Variants in PCSK5 observed in about 807,000 individuals in gnomAD.
PCSK5 encodes the protein proprotein convertase subtilisin/kexin type 5.
Under a neutral mutation model 233.2 loss-of-function variants are expected in PCSK5, and 129 were observed. That is an observed-to-expected ratio of 0.55 (90% CI 0.48 to 0.64). PCSK5 has a LOEUF of 0.64. Among genes scored for constraint, PCSK5 ranks in the 30% least tolerant of loss-of-function variants. PCSK5 has a pLI of 0.00. For missense variants in PCSK5, 2,076 were observed against 2,430.1 expected (o/e 0.85, Z 3.06); for synonymous variants, 825 against 879.2 (o/e 0.94, Z 1.09).
At chr9:76,300,378 G>C (rs918761214) in intron 27 of PCSK5, among the ~76,000 whole-genome samples, 1 of 152,178 alleles carries the variant, frequency 6.6e-6, no homozygotes, top group Non-Finnish European at 1.5e-5. Context: ...ATGGCACTGG[G>C]TAAGTAATTA....
chr9:76,154,119 G>C (rs969744857), intron 10 of PCSK5, among the ~76,000 whole-genome samples: 2 of 152,234 alleles, frequency 1.3e-5, no homozygotes, highest in Middle Eastern at 6.8e-3. Flanking sequence ...TATTGACTTA[G>C]TGACCTTCAT....
chr9:76,140,288 A>G (rs1015599528), intron 10 of PCSK5, among the ~76,000 whole-genome samples: 1 of 152,124 alleles, frequency 6.6e-6, no homozygotes, highest in African/African-American at 2.4e-5. Flanking sequence ...CCAAAATCTT[A>G]AGAGCCTTTA....
intron 24 of PCSK5, among the ~76,000 whole-genome samples, chr9:76,249,658 C>G (rs1826738534): frequency 6.6e-6 from 1 of 152,078 alleles, no homozygotes; most frequent in African/African-American, 2.4e-5. Flanking sequence ...AGGAAATAAA[C>G]AGGATGAGCC....
chr9:76,156,973 G>T, intron 10 of PCSK5, 72 bp from the exon 11 acceptor site: 1 of 989,122 alleles, frequency 1.0e-6, no homozygotes, highest in African/African-American at 1.6e-5. Flanking sequence ...GGTGTCTGGG[G>T]TCTCTACTGA....
At chr9:75,904,356 C>T (rs545050997) in intron 1 of PCSK5, among the ~76,000 whole-genome samples, 16 of 151,894 alleles carry the variant, frequency 1.1e-4, no homozygotes, top group Non-Finnish European at 2.2e-4. Context: ...AAAGGACAAC[C>T]CACAGAATGG....
intron 20 of PCSK5, among the ~76,000 whole-genome samples, chr9:76,224,709 A>G (rs965470403): frequency 4.6e-5 from 7 of 152,228 alleles, no homozygotes; most frequent in African/African-American, 1.7e-4. Flanking sequence ...AAGGCAGCAC[A>G]TTGTGAGTGC....
At chr9:75,959,939 C>T (rs1459344936) in intron 2 of PCSK5, among the ~76,000 whole-genome samples, 1 of 152,164 alleles carries the variant, frequency 6.6e-6, no homozygotes, top group East Asian at 1.9e-4. Context: ...TTGCAAAGCC[C>T]TCTGAGGTAG....
chr9:76,090,580 C>A (rs1439683616), intron 7 of PCSK5, among the ~76,000 whole-genome samples: 1 of 152,140 alleles, frequency 6.6e-6, no homozygotes, highest in Admixed American at 6.5e-5. Flanking sequence ...AATCCAATGA[C>A]GGGCAGGCCA....
chr9:76,080,333 C>T (rs1292562864), intron 7 of PCSK5, among the ~76,000 whole-genome samples: 2 of 152,182 alleles, frequency 1.3e-5, no homozygotes, highest in Admixed American at 6.5e-5. Flanking sequence ...ACACGCACTC[C>T]AGCCCTTCAG....
intron 12 of PCSK5, among the ~76,000 whole-genome samples, chr9:76,160,409 C>G (rs1263708702): frequency 6.6e-6 from 1 of 152,156 alleles, no homozygotes; most frequent in Non-Finnish European, 1.5e-5. Context: ...AATGACAAAC[C>G]ACAGCCCAAA....
At chr9:76,053,547 A>G (rs749174423) in intron 5 of PCSK5, among the ~76,000 whole-genome samples, 1 of 152,090 alleles carries the variant, frequency 6.6e-6, no homozygotes, top group Non-Finnish European at 1.5e-5. Context: ...GATACCGTAA[A>G]TCATCTCTCT....
chr9:76,298,758 G>T (rs1042877801), intron 27 of PCSK5, among the ~76,000 whole-genome samples: 5 of 152,176 alleles, frequency 3.3e-5, no homozygotes, highest in Non-Finnish European at 7.4e-5. Context: ...GTCATCCTGG[G>T]TCAATTCAGA....
chr9:76,334,856 T>C (rs781305404), intron 34 of PCSK5, among the ~76,000 whole-genome samples: 1 of 152,042 alleles, frequency 6.6e-6, no homozygotes, highest in Non-Finnish European at 1.5e-5. Context: ...GGCGGGCAGA[T>C]CACTTGAGGC....
chr9:76,076,132 A>T (rs1003726678), intron 7 of PCSK5, among the ~76,000 whole-genome samples: 4 of 152,214 alleles, frequency 2.6e-5, no homozygotes, highest in Non-Finnish European at 5.9e-5. Flanking sequence ...ATGAAGAACT[A>T]TTATATGCAG....
At chr9:76,279,357 A>C (rs371524158) in intron 24 of PCSK5, among the ~76,000 whole-genome samples, 1 of 148,930 alleles carries the variant, frequency 6.7e-6, no homozygotes, top group African/African-American at 2.6e-5. Flanking sequence ...ATTGTGAATA[A>C]TGCCGCAATA....
intron 32 of PCSK5, among the ~76,000 whole-genome samples, chr9:76,324,003 A>G (rs1188943028): frequency 6.9e-6 from 1 of 145,670 alleles, no homozygotes; most frequent in Non-Finnish European, 1.5e-5. Context: ...TTGGCTTACT[A>G]TAACCTCTGC....
At chr9:75,952,500 G>A (rs1824906285) in intron 2 of PCSK5, among the ~76,000 whole-genome samples, 1 of 151,774 alleles carries the variant, frequency 6.6e-6, no homozygotes, top group Admixed American at 6.6e-5. Flanking sequence ...CCTGTTTATT[G>A]GACAGTTCTG....
chr9:76,339,765 G>A lies in PCSK5; in HGVS notation c.4966+1318G>A, dbSNP rs192089418. Reference sequence around the variant, plus strand: ...TCACCATATTGATCAGGCTGGTCTCGAACTCCTGACCTCATGATCCGCCCG... The same window carrying A: ...TCACCATATTGATCAGGCTGGTCTCAAACTCCTGACCTCATGATCCGCCCG... On this transcript the variant is annotated intron_variant, in intron 35 of 37. Coordinates refer to ENST00000674117, the MANE Select transcript of PCSK5 (RefSeq NM_001372043.1). Among the ~76,000 whole-genome samples, 318 of 152,036 alleles carry A rather than the reference G, an allele frequency of 2.1e-3. 3 individuals are homozygous for A. The highest frequency in any genetic ancestry group is 7.1e-3 in the African/African-American group (294 of 41,480).
At chr9:76,276,875 C>A (rs996694773) in intron 24 of PCSK5, among the ~76,000 whole-genome samples, 1 of 152,158 alleles carries the variant, frequency 6.6e-6, no homozygotes, top group Admixed American at 6.5e-5. Context: ...ATGAAGCTTG[C>A]GTTTTACTGT....
Sources: allele counts gnomAD v4.1 joint callset (sites outside exome capture counted in the v4.1 genomes callset), GRCh38; gene constraint gnomAD v4.1.1; transcripts MANE v1.5; gene names NCBI Gene and HGNC (gene_info 2026-07-23, HGNC 2026-07-21).